ABCA13: variants seen among roughly 807,000 people sequenced by gnomAD.
ABCA13 encodes the protein ATP-binding cassette sub-family A member 13.
Under a neutral mutation model 478.7 loss-of-function variants are expected in ABCA13, and 476 were observed. That is an observed-to-expected ratio of 0.99 (90% CI 0.92 to 1.07). ABCA13 has a LOEUF of 1.07. ABCA13 is among the 50% of genes least tolerant of loss of function. The pLI is 0.00. For synonymous variants in ABCA13, 2,252 were observed against 2,158.9 expected (o/e 1.04, Z -1.20); for missense variants, 6,060 against 5,910.6 (o/e 1.03, Z -0.83).
At chr7:48,233,841 C>A (rs906249919) in intron 7 of ABCA13, among the ~76,000 whole-genome samples, 177 bp from the exon 8 acceptor site, 1 of 152,216 alleles carries the variant, frequency 6.6e-6, no homozygotes, top group African/African-American at 2.4e-5. Flanking sequence ...CTTCACCATT[C>A]TCTCTATAGC....
chr7:48,270,438 C>G (rs1795446248), intron 16 of ABCA13, among the ~76,000 whole-genome samples: 1 of 152,126 alleles, frequency 6.6e-6, no homozygotes, highest in Non-Finnish European at 1.5e-5. Flanking sequence ...TCTATTGCTA[C>G]TCCATAACCC....
At position 48,536,104 on chromosome 7, in the gene ABCA13, G is replaced by A. The variant is rs553055614; in HGVS notation, c.14354+7759G>A. ...TTCACGATATGAGTCTTCACATGCA[G>A]CTGTCTGAGCAGGAGCTGCAGGCTA... On this transcript the variant is annotated intron_variant, in intron 55 of 61. Coordinates refer to ENST00000435803, the MANE Select transcript of ABCA13 (RefSeq NM_152701.5). Among the ~76,000 whole-genome samples, 4 of 152,328 alleles carry A rather than the reference G, an allele frequency of 2.6e-5. No individual in the cohort carries two copies. The East Asian group carries it at 7.7e-4, about 29-fold the overall frequency.
chr7:48,295,150 G>A (rs1012939207), intron 20 of ABCA13, among the ~76,000 whole-genome samples: 6 of 152,144 alleles, frequency 3.9e-5, no homozygotes, highest in African/African-American at 1.4e-4. Context: ...TCCACCAACA[G>A]GGCACAAGGT....
rs192933322 is a variant in ABCA13, at chr7:48,376,856, C to T, written c.11335+284C>T. On this transcript the variant is annotated intron_variant, in intron 35 of 61. Transcript: ENST00000435803. ...CCCCAAAAGTGGGCTTCAGTCTACA[C>T]AGAAAATATCCTGGTTTCTCAGAGA... 6.2e-3 allele frequency among the ~76,000 whole-genome samples: 939 copies of T among 152,126 alleles called. 10 individuals carry two copies. The highest frequency in any genetic ancestry group is 0.018 in the Admixed American group (277 of 15,284).
At position 48,294,539 on chromosome 7, in the gene ABCA13, C is replaced by T. The variant is rs1011389089; in HGVS notation, c.8956-1161C>T. Among the ~76,000 whole-genome samples, 55 of 150,946 alleles carry T rather than the reference C, an allele frequency of 3.6e-4. 1 individual carries two copies. The highest frequency in any genetic ancestry group is 3.4e-3 in the Admixed American group (52 of 15,154). ...TCGGCTCACTGCAAGCTCCGCTTCC[C>T]GGGTTCACGCCATTCTCCTGCCTCA... On this transcript the variant is annotated intron_variant, in intron 20 of 61. Transcript: ENST00000435803.
intron 35 of ABCA13, among the ~76,000 whole-genome samples, chr7:48,381,844 G>A (rs1814437608): frequency 1.3e-5 from 2 of 152,192 alleles, no homozygotes; most frequent in Non-Finnish European, 2.9e-5. Flanking sequence ...ATCTGGTAAT[G>A]TGAGCAGGTT....
chr7:48,584,646 C>T (rs1789002105), intron 56 of ABCA13, among the ~76,000 whole-genome samples: 1 of 152,158 alleles, frequency 6.6e-6, no homozygotes. Context: ...CACCCTCAAC[C>T]CTGAACTGGA....
At chr7:48,342,804 T>C (rs999507715) in intron 29 of ABCA13, among the ~76,000 whole-genome samples, 4 of 152,200 alleles carry the variant, frequency 2.6e-5, no homozygotes, top group African/African-American at 9.6e-5. Flanking sequence ...ATTTCTTTTC[T>C]TACTAGTTTT....
intron 55 of ABCA13, among the ~76,000 whole-genome samples, chr7:48,570,481 C>T (rs1480859414): frequency 2.0e-5 from 3 of 151,780 alleles, no homozygotes; most frequent in African/African-American, 7.3e-5. Context: ...CCTGCCACCA[C>T]GCCTGGCCAA....
chr7:48,241,752 A>T (rs1790864117), intron 10 of ABCA13, among the ~76,000 whole-genome samples: 2 of 152,226 alleles, frequency 1.3e-5, no homozygotes, highest in South Asian at 4.1e-4. Flanking sequence ...TGTACCATGA[A>T]GGAGAGTTGT....
At chr7:48,542,575 A>G (rs1834011695) in intron 55 of ABCA13, among the ~76,000 whole-genome samples, 6 of 151,782 alleles carry the variant, frequency 4.0e-5, no homozygotes, top group Admixed American at 3.9e-4. Flanking sequence ...AATATGAAAA[A>G]CAATTACAAT....
intron 20 of ABCA13, among the ~76,000 whole-genome samples, chr7:48,292,366 A>T (rs1798658731): frequency 6.6e-6 from 1 of 151,782 alleles, no homozygotes; most frequent in African/African-American, 2.4e-5. Context: ...GCCATGTTCT[A>T]CCACCTCCAC....
At chr7:48,289,599 T>A (rs1562975821) in intron 20 of ABCA13, among the ~76,000 whole-genome samples, 1 of 152,122 alleles carries the variant, frequency 6.6e-6, no homozygotes, top group African/African-American at 2.4e-5. Context: ...GATCTCGTGA[T>A]CTGCCCACCT....
chr7:48,285,949 G>C (rs1797678775), intron 19 of ABCA13, among the ~76,000 whole-genome samples: 2 of 152,158 alleles, frequency 1.3e-5, no homozygotes, highest in Non-Finnish European at 2.9e-5. Context: ...AGGCATCAAG[G>C]TGGGTTGCTT....
chr7:48,407,792 G>C (rs373581084), intron 39 of ABCA13, among the ~76,000 whole-genome samples: 6 of 151,832 alleles, frequency 4.0e-5, no homozygotes, highest in Non-Finnish European at 8.8e-5. Context: ...TCTTGACCTC[G>C]GGTGATCCAC....
intron 55 of ABCA13, among the ~76,000 whole-genome samples, chr7:48,573,079 G>T (rs901795507): frequency 1.3e-5 from 2 of 151,634 alleles, no homozygotes; most frequent in African/African-American, 4.8e-5. Context: ...CCTGATACTG[G>T]TATTTTGTAT....
At chr7:48,180,225 G>C (rs1583991264) in intron 1 of ABCA13, among the ~76,000 whole-genome samples, 1 of 152,202 alleles carries the variant, frequency 6.6e-6, no homozygotes, top group East Asian at 1.9e-4. Flanking sequence ...CCACAGGACA[G>C]CCTTGGTGCT....
chr7:48,249,901 G>T (rs1038774842), intron 15 of ABCA13, among the ~76,000 whole-genome samples: 2 of 150,370 alleles, frequency 1.3e-5, no homozygotes, highest in Admixed American at 6.6e-5. Flanking sequence ...TTCAATTCTC[G>T]CACTGTCTGC....
At position 48,335,671 on chromosome 7, in the gene ABCA13, T is replaced by C. The variant is rs1202831879; in HGVS notation, c.10113+136T>C. ...TTCTAGTTGACTCATATAATTGACA[T>C]AAAACTAGAGATGTGTGAAAACTTT... On this transcript the variant is annotated intron_variant, in intron 28 of 61. Transcript: ENST00000435803. 2.1e-5 allele frequency: 11 copies of C among 535,760 alleles called. 1 individual carries two copies. In the Admixed American group the frequency reaches 3.1e-4, roughly 15 times the overall value. The allele number at this position is 535,760 out of a possible 1,614,324, so 33.2% of individuals were successfully genotyped here.
Sources: gnomAD v4.1 joint callset for allele counts (sites outside exome capture counted in the v4.1 genomes callset) on GRCh38, gnomAD v4.1.1 for gene constraint, MANE v1.5 for transcripts, NCBI Gene and HGNC (gene_info 2026-07-23, HGNC 2026-07-21) for gene names.